The following LUZP2 variants were observed in gnomAD, a reference collection of about 807,000 sequenced individuals.
LUZP2 encodes leucine zipper protein 2.
LUZP2 carries 52 observed loss-of-function variants against 51.6 expected under a neutral mutation model. That is an observed-to-expected ratio of 1.01 (90% CI 0.81 to 1.27). The LOEUF is 1.27. Ranked by LOEUF, LUZP2 falls within the 50% of genes most tolerant of loss-of-function variation. LUZP2 has a pLI of 0.00. For missense variants in LUZP2, 436 were observed against 395.4 expected, an observed-to-expected ratio of 1.10 and a Z score of -0.87; for synonymous variants, 154 against 137.3, an observed-to-expected ratio of 1.12 and a Z score of -0.85.
At chr11:25,047,604 T>TCAATA (rs200167190) in intron 9 of LUZP2, among the ~76,000 whole-genome samples, 1 of 151,792 alleles carries the variant, frequency 6.6e-6, no homozygotes, top group South Asian at 2.1e-4. Context: ...TTCTAACCCT[T>TCAATA]GTTCAGAACA....
At chr11:24,710,165 G>A (rs890972662) in intron 1 of LUZP2, among the ~76,000 whole-genome samples, 6 of 151,988 alleles carry the variant, frequency 3.9e-5, no homozygotes, top group African/African-American at 2.4e-5. Flanking sequence ...TCTGAACCAC[G>A]GTGATATTCT....
intron 4 of LUZP2, among the ~76,000 whole-genome samples, chr11:24,744,422 C>T (rs1773228585): frequency 1.3e-5 from 2 of 152,032 alleles, no homozygotes; most frequent in South Asian, 2.1e-4. Context: ...TCTAGTTCTT[C>T]CTGATTTAAG....
At chr11:24,892,123 T>G (rs1852874067) in intron 5 of LUZP2, 28 of 985,676 alleles carry the variant, frequency 2.8e-5, no homozygotes, top group Non-Finnish European at 3.4e-5. Flanking sequence ...GCTCTCACTG[T>G]GGAGCTAGAC....
intron 1 of LUZP2, among the ~76,000 whole-genome samples, chr11:24,544,631 G>A (rs1564981451): frequency 6.6e-6 from 1 of 152,110 alleles, no homozygotes; most frequent in Non-Finnish European, 1.5e-5. Flanking sequence ...TTTTATGGCT[G>A]TGTAGTATTC....
At chr11:24,790,873 C>A (rs1182761387) in intron 5 of LUZP2, among the ~76,000 whole-genome samples, 3 of 152,132 alleles carry the variant, frequency 2.0e-5, no homozygotes, top group Non-Finnish European at 4.4e-5. Context: ...GTGTTCCAGA[C>A]CTCAGTCTTC....
chr11:24,987,825 A>AG (rs1356546498), intron 9 of LUZP2, among the ~76,000 whole-genome samples: 1 of 151,854 alleles, frequency 6.6e-6, no homozygotes, highest in Non-Finnish European at 1.5e-5. Flanking sequence ...AAACCTCAAA[A>AG]CAGTGCACCT....
chr11:24,844,873 C>A (rs1179853249), intron 5 of LUZP2, among the ~76,000 whole-genome samples: 1 of 152,168 alleles, frequency 6.6e-6, no homozygotes. Flanking sequence ...GGTTTGGGAA[C>A]CTCTGTCTAC....
intron 9 of LUZP2, among the ~76,000 whole-genome samples, chr11:24,998,543 T>C (rs1856578716): frequency 1.3e-5 from 2 of 152,194 alleles, no homozygotes; most frequent in African/African-American, 4.8e-5. Flanking sequence ...GTTTTTCTCG[T>C]CTTGTGGAGT....
At chr11:24,505,894 C>A (rs886620369) in intron 1 of LUZP2, among the ~76,000 whole-genome samples, 2 of 151,844 alleles carry the variant, frequency 1.3e-5, no homozygotes, top group African/African-American at 4.8e-5. Flanking sequence ...AATTATGTTG[C>A]TATAATATGG....
chr11:25,051,401 A>C (rs1590878208), intron 10 of LUZP2, among the ~76,000 whole-genome samples: 2 of 152,376 alleles, frequency 1.3e-5, no homozygotes, highest in African/African-American at 4.8e-5. Flanking sequence ...AAACTATACA[A>C]TTTAAAGCAT....
intron 9 of LUZP2, among the ~76,000 whole-genome samples, chr11:25,004,550 G>C (rs569619090): frequency 6.6e-6 from 1 of 152,268 alleles, no homozygotes; most frequent in South Asian, 2.1e-4. Context: ...GCAGCTGATT[G>C]AGTAATAAAC....
At position 24,870,185 on chromosome 11, in the gene LUZP2, G is replaced by A. The variant is rs901846108; in HGVS notation, c.397-35806G>A. Among the ~76,000 whole-genome samples, 5 of 152,176 alleles carry A rather than the reference G, an allele frequency of 3.3e-5. No individual in the cohort carries two copies. In the South Asian group the frequency reaches 6.2e-4, roughly 19 times the overall value. ...CTGTAAAGGAAAAGTTTGAGCTATCGGGGTGAGTTCATGAGGTTATTAAGG... is the reference window on the plus strand; with the variant it reads ...CTGTAAAGGAAAAGTTTGAGCTATCAGGGTGAGTTCATGAGGTTATTAAGG... On this transcript the variant is annotated intron_variant, in intron 5 of 11. Transcript: ENST00000336930.
intron 1 of LUZP2, among the ~76,000 whole-genome samples, chr11:24,657,226 GC>G (rs1357002481): frequency 6.6e-6 from 1 of 152,154 alleles, no homozygotes; most frequent in Non-Finnish European, 1.5e-5. Context: ...TTATAGCAGT[GC>G]TTGAATTTAA....
chr11:24,598,262 C>A (rs1171691317), intron 1 of LUZP2, among the ~76,000 whole-genome samples: 1 of 151,880 alleles, frequency 6.6e-6, no homozygotes, highest in Non-Finnish European at 1.5e-5. Context: ...AAGTGAGAGA[C>A]AATTACATAA....
chr11:24,534,072 T>C (rs550810546), intron 1 of LUZP2, among the ~76,000 whole-genome samples: 1 of 151,384 alleles, frequency 6.6e-6, no homozygotes, highest in East Asian at 1.9e-4. Flanking sequence ...ATAAATAAAT[T>C]GTTTCCCTTT....
chr11:24,973,361 T>G (rs1200670851), intron 7 of LUZP2, among the ~76,000 whole-genome samples: 1 of 81,706 alleles, frequency 1.2e-5, no homozygotes, highest in Non-Finnish European at 2.3e-5. Flanking sequence ...TATATATTTA[T>G]TAGTTTTTTT....
At chr11:24,816,389 T>C (rs987521373) in intron 5 of LUZP2, among the ~76,000 whole-genome samples, 9 of 152,164 alleles carry the variant, frequency 5.9e-5, no homozygotes, top group Admixed American at 6.6e-5. Flanking sequence ...AAAGTGTTTT[T>C]AAGCTCCTTA....
intron 1 of LUZP2, among the ~76,000 whole-genome samples, chr11:24,510,354 G>A (rs1850272968): frequency 6.6e-6 from 1 of 152,206 alleles, no homozygotes; most frequent in Admixed American, 6.5e-5. Flanking sequence ...GGCATGTTTT[G>A]CCATATTGGC....
At chr11:24,634,854 G>A (rs1368708476) in intron 1 of LUZP2, among the ~76,000 whole-genome samples, 1 of 152,048 alleles carries the variant, frequency 6.6e-6, no homozygotes, top group Non-Finnish European at 1.5e-5. Flanking sequence ...TTTATTTTCT[G>A]TGACTTGGAA....
Sources: allele counts gnomAD v4.1 joint callset (sites outside exome capture counted in the v4.1 genomes callset), GRCh38; gene constraint gnomAD v4.1.1; transcripts MANE v1.5; gene names NCBI Gene and HGNC (gene_info 2026-07-23, HGNC 2026-07-21).